The following USP54 variants were observed in gnomAD, a reference collection of about 807,000 sequenced individuals.
The protein encoded by USP54 is ubiquitin specific peptidase 54.
In USP54, 87 loss-of-function variants were observed where a neutral mutation model predicts 170.5. The observed-to-expected ratio is 0.51, with a 90% CI of 0.43 to 0.61. USP54 has a LOEUF of 0.61. Among genes scored for constraint, USP54 ranks in the 20% least tolerant of loss-of-function variants. The pLI is 0.00. For synonymous variants in USP54, 655 were observed against 742.8 expected, an observed-to-expected ratio of 0.88 and a Z score of 1.92; for missense variants, 1,786 against 2,047.8, an observed-to-expected ratio of 0.87 and a Z score of 2.47.
Position 73,530,928 on chromosome 10 carries a change from A to G in USP54, c.1316-93T>C, listed in dbSNP as rs2063836533. The G allele has an allele frequency of 7.2e-6, 11 of 1,537,508 alleles. 1 individual carries two copies. The highest frequency in any genetic ancestry group is 1.7e-4 in the Middle Eastern group (1 of 5,748). On this transcript the variant is annotated intron_variant, in intron 12 of 23. Transcript: ENST00000687698. ...CTAATCTCCCTTTGGGAGTGCCACA[A>G]ATTTAGAGTACCCATGGAACAGAAG... is the stretch of plus-strand genomic sequence containing the variant.
At position 73,603,687 on chromosome 10, in the gene USP54, G is replaced by A. The variant is rs572311275; in HGVS notation, c.-18+21880C>T. Among the ~76,000 whole-genome samples the A allele has an allele frequency of 9.1e-4, 138 of 151,826 alleles. 1 individual carries two copies. Among genetic ancestry groups the A allele is most frequent in the African/African-American group, 3.1e-3 (130 of 41,368 alleles). On this transcript the variant is annotated intron_variant, in intron 1 of 22. Coordinates refer to the USP54 transcript ENST00000339859. Reference sequence around the variant, plus strand: ...CACTTTAACCCGGGAGGCAGAGGTGGCAGTGAGCCGAGATCACACCACTCA... The same window carrying A: ...CACTTTAACCCGGGAGGCAGAGGTGACAGTGAGCCGAGATCACACCACTCA...
At chr10:73,523,459 G>C (rs1216583944) in intron 17 of USP54, 124 bp downstream of exon 17, 1 of 1,177,686 alleles carries the variant, frequency 8.5e-7, no homozygotes, top group Non-Finnish European at 1.2e-6. Flanking sequence ...CACTGGAATG[G>C]GTGAATTAAG....
intron 23 of USP54, 64 bp from the exon 24 acceptor site, chr10:73,499,252 G>A (rs1019831521): frequency 6.7e-7 from 1 of 1,498,206 alleles, no homozygotes; most frequent in African/African-American, 1.4e-5. Flanking sequence ...TTCCCAGAGA[G>A]CCATGCCTAG....
intron 4 of USP54, among the ~76,000 whole-genome samples, chr10:73,568,131 T>A (rs2074262604): frequency 6.6e-6 from 1 of 152,090 alleles, no homozygotes; most frequent in African/African-American, 2.4e-5. Context: ...TAGGCTGGTC[T>A]CACACTGCTG....
chr10:73,499,282 A>G, intron 23 of USP54, 94 bp from the exon 24 acceptor site: 2 of 1,245,296 alleles, frequency 1.6e-6, no homozygotes, highest in Non-Finnish European at 1.1e-6. Context: ...CCAATTCCCT[A>G]CTCCTCCAAG....
intron 19 of USP54, chr10:73,518,260 C>T (rs183205709): frequency 7.1e-6 from 7 of 984,518 alleles, no homozygotes; most frequent in East Asian, 2.3e-4. Context: ...GTGATTTGGG[C>T]TCATGGGAAT....
chr10:73,574,175 C>G (rs1564884935), intron 3 of USP54, among the ~76,000 whole-genome samples: 1 of 152,154 alleles, frequency 6.6e-6, no homozygotes, highest in Non-Finnish European at 1.5e-5. Context: ...AGACAGAAAG[C>G]TTTGGGATTC....
At chr10:73,588,155 T>TA (rs1169979078) in intron 1 of USP54, among the ~76,000 whole-genome samples, 1 of 152,044 alleles carries the variant, frequency 6.6e-6, no homozygotes, top group Non-Finnish European at 1.5e-5. Flanking sequence ...CAAGGCCATA[T>TA]AAAAAATGGG....
At chr10:73,555,851 A>T (rs1165282773) in intron 4 of USP54, among the ~76,000 whole-genome samples, 1 of 152,186 alleles carries the variant, frequency 6.6e-6, no homozygotes, top group African/African-American at 2.4e-5. Context: ...ATGATTCACT[A>T]CATGTTTCCT....
intron 4 of USP54, among the ~76,000 whole-genome samples, chr10:73,557,295 G>A (rs910448224): frequency 2.0e-5 from 3 of 151,922 alleles, no homozygotes; most frequent in African/African-American, 4.8e-5. Flanking sequence ...CTTTTGAGGG[G>A]ACAGGGTAAT....
chr10:73,601,697 T>A (rs1191797418), intron 1 of USP54, among the ~76,000 whole-genome samples: 1 of 152,086 alleles, frequency 6.6e-6, no homozygotes, highest in Non-Finnish European at 1.5e-5. Context: ...AGCAAGCAGA[T>A]CTTTGTATGT....
At chr10:73,526,853 T>G in intron 15 of USP54, 73 bp from the exon 16 acceptor site, 14 of 1,483,886 alleles carry the variant, frequency 9.4e-6, no homozygotes, top group Non-Finnish European at 1.3e-5. Context: ...ACTAAATCTC[T>G]CTCTCAAAAA....
intron 4 of USP54, among the ~76,000 whole-genome samples, chr10:73,548,637 C>G (rs1442173270): frequency 6.6e-6 from 1 of 152,048 alleles, no homozygotes; most frequent in African/African-American, 2.4e-5. Context: ...GGACAGAAAA[C>G]CAAACACCGT....
chr10:73,587,315 A>G (rs1682273110), intron 1 of USP54, among the ~76,000 whole-genome samples: 1 of 151,998 alleles, frequency 6.6e-6, no homozygotes, highest in Admixed American at 6.6e-5. Flanking sequence ...CTACTAAAAA[A>G]CACAAAAAAA....
Position 73,517,538 on chromosome 10 carries a change from T to C in USP54, c.2888A>G (p.Asn963Ser). 6.2e-7 allele frequency: 1 copy of C among 1,614,196 alleles called. No homozygotes were observed. The highest frequency in any genetic ancestry group is 1.1e-5 in the South Asian group (1 of 91,084). ...CCTGTGGAATGCAGAGGGTTCAATG[T>C]TGTCTACTTCAACCGAAGTCAGAAG... Reference protein sequence around the residue: ...LKLLTSVEVDNIEPSAFHRQG... With the variant: ...LKLLTSVEVDSIEPSAFHRQG... The change falls in exon 20 of 24, where the codon AAC (asparagine) becomes AGC (serine). Residue 963 changes from asparagine to serine, a missense_variant. Physicochemically the swap from Asn to Ser is conservative, Grantham distance 46 (BLOSUM62 1). Transcript: ENST00000687698.
chr10:73,538,810 A>G (rs1230006639), intron 10 of USP54, among the ~76,000 whole-genome samples: 7 of 151,854 alleles, frequency 4.6e-5, no homozygotes, highest in Admixed American at 2.6e-4. Flanking sequence ...AGGAAACCCT[A>G]TCTCAAAAAA....
chr10:73,584,914 TCAC>T (rs1228608014), intron 1 of USP54, among the ~76,000 whole-genome samples: 1 of 152,176 alleles, frequency 6.6e-6, no homozygotes, highest in Non-Finnish European at 1.5e-5. Context: ...GTTCAGATCC[TCAC>T]CACATCTGGA....
intron 23 of USP54, 111 bp from the exon 24 acceptor site, chr10:73,499,299 C>T (rs1315089202): frequency 9.5e-7 from 1 of 1,051,538 alleles, no homozygotes; most frequent in Non-Finnish European, 1.4e-6. Context: ...CAAGAGCATA[C>T]ATACAAGGGA....
At chr10:73,513,383 T>C (rs2060516207) in intron 20 of USP54, 1 of 151,776 alleles carries the variant, frequency 6.6e-6, no homozygotes, top group Non-Finnish European at 1.5e-5. Context: ...AAGAATTGCT[T>C]GAACCCGGGA....
Sources: gnomAD v4.1 joint callset for allele counts (sites outside exome capture counted in the v4.1 genomes callset) on GRCh38, gnomAD v4.1.1 for gene constraint, MANE v1.5 for transcripts, NCBI Gene and HGNC (gene_info 2026-07-23, HGNC 2026-07-21) for gene names.